The following TTN variants were observed in gnomAD, a reference collection of about 807,000 sequenced individuals.
TTN encodes the protein connectin.
TTN carries 1,525 observed loss-of-function variants against 3,223.0 expected under a neutral mutation model. The ratio of observed to expected loss-of-function variants is 0.47; its 90% CI spans 0.45 to 0.49. TTN has a LOEUF of 0.49. Ranked by LOEUF, TTN falls within the 20% of genes least tolerant of loss-of-function variation. The pLI is 0.00. For missense variants in TTN, 40,786 were observed against 43,424.0 expected (o/e 0.94, Z 5.40); for synonymous variants, 14,094 against 15,161.0 (o/e 0.93, Z 5.17).
chr2:178,623,472 A>T (rs2058595980), intron 242 of TTN, among the ~76,000 whole-genome samples: 1 of 151,880 alleles, frequency 6.6e-6, no homozygotes, highest in Admixed American at 6.6e-5. Context: ...GCTCCCTGTG[A>T]GTCCTTCCCA....
In TTN at chr2:178,572,721, C is replaced by G. The variant is rs1708675722; in HGVS notation, c.73411G>C (p.Asp24471His). ...CTTGTGGATTCGATGCTAGCTTTATCTAAAGATTCTCCATGGTCCCGGGCC... is the reference window on the plus strand; with the variant it reads ...CTTGTGGATTCGATGCTAGCTTTATGTAAAGATTCTCCATGGTCCCGGGCC... ...KWARDHGESLDKASIESTSSY... is the reference protein window; with the variant it reads ...KWARDHGESLHKASIESTSSY... Residue 24471 changes from aspartate (D) to histidine (H), a missense_variant, in exon 326 of 363, where the codon GAT becomes CAT. Coordinates refer to ENST00000589042, the MANE Select transcript of TTN (RefSeq NM_001267550.2). The G allele has an allele frequency of 6.2e-7, 1 of 1,613,452 alleles. No homozygotes were observed. The highest frequency in any genetic ancestry group is 1.3e-5 in the African/African-American group (1 of 74,990).
intron 48 of TTN, among the ~76,000 whole-genome samples, chr2:178,738,731 A>C (rs1278878916): frequency 6.6e-6 from 1 of 152,166 alleles, no homozygotes; most frequent in Non-Finnish European, 1.5e-5. Context: ...ACAACAACAA[A>C]AAATAAACAG....
chr2:178,601,874 T>A lies in TTN; in HGVS notation c.55302+8A>T, dbSNP rs1476227996. On this transcript the variant is annotated splice_region_variant and intron_variant, in intron 285 of 362. Transcript: ENST00000589042. ...TATTCTGAATTATTTTAATTATTAT[T>A]TTTTTACCTGTGCATCTTCGGGTAT... is the stretch of plus-strand genomic sequence containing the variant. 1 of 1,609,538 alleles carries A rather than the reference T, an allele frequency of 6.2e-7. No homozygotes were observed. The highest frequency in any genetic ancestry group is 1.7e-5 in the Admixed American group (1 of 59,484).
chr2:178,586,548 C>A lies in TTN; in HGVS notation c.64353G>T (p.Leu21451Phe), dbSNP rs1576014111. The A allele has an allele frequency of 6.2e-7, 1 of 1,613,232 alleles. No individual in the cohort carries two copies. Among genetic ancestry groups the A allele is most frequent in the Non-Finnish European group, 8.5e-7 (1 of 1,179,388 alleles). The stretch of plus-strand genomic sequence containing the variant: ...CATACACTCCTTCAGCTTCTCTTGG[C>A]AAACTGACTCCAACAGCATTTCTGG... Reference protein sequence around the residue: ...VAARNAVGVSLPREAEGVYEA... With the variant: ...VAARNAVGVSFPREAEGVYEA... The change falls in exon 308 of 363, where the codon TTG becomes TTT. Residue 21451 changes from leucine (L) to phenylalanine (F), a missense_variant. Physicochemically the swap from Leu to Phe is conservative, Grantham distance 22 (BLOSUM62 0). Coordinates refer to ENST00000589042, the MANE Select transcript of TTN (RefSeq NM_001267550.2).
chr2:178,667,592 G>T, intron 160 of TTN, 46 bp downstream of exon 160: 1 of 1,576,482 alleles, frequency 6.3e-7, no homozygotes, highest in Non-Finnish European at 8.6e-7. Context: ...TTTAAAAGGG[G>T]CCAAAAAATA....
intron 129 of TTN, 60 bp downstream of exon 129, chr2:178,685,193 G>A (rs2070531635): frequency 1.4e-6 from 2 of 1,385,588 alleles, no homozygotes; most frequent in African/African-American, 1.5e-5. Context: ...ATGCAAATGT[G>A]AAGGTATTAT....
rs780786278 is a variant in TTN, at chr2:178,719,537, A to T, written c.23938+17T>A. On this transcript the variant is annotated intron_variant, in intron 82 of 362. Transcript: ENST00000589042. ...CCTGGAAATATTGTATATTCATAAA[A>T]ATCTCATTCTACTCACCAGAAACAT... is the stretch of plus-strand genomic sequence containing the variant. The T allele has an allele frequency of 6.3e-7, 1 of 1,592,382 alleles. No individual in the cohort carries two copies. Among genetic ancestry groups the T allele is most frequent in the Non-Finnish European group, 8.6e-7 (1 of 1,167,768 alleles).
intron 21 of TTN, 80 bp downstream of exon 21, chr2:178,781,040 GT>G: frequency 6.3e-7 from 1 of 1,597,216 alleles, no homozygotes; most frequent in South Asian, 1.1e-5. Context: ...GTGGCAACAG[GT>G]TTTTCAGCAA....
In TTN at chr2:178,610,243, T is replaced by C; in HGVS notation, c.51283A>G (p.Ile17095Val). The C allele has an allele frequency of 6.2e-7, 1 of 1,613,042 alleles. No homozygotes were observed. Among genetic ancestry groups the C allele is most frequent in the Non-Finnish European group, 8.5e-7 (1 of 1,179,288 alleles). The change falls in exon 271 of 363, where the codon ATA becomes GTA. Residue 17095 changes from isoleucine (I) to valine (V), a missense_variant. Physicochemically the swap from Ile to Val is conservative, Grantham distance 29. Transcript: ENST00000589042. The stretch of plus-strand genomic sequence containing the variant: ...TTGTTCTCACCAGACATGACTGGTA[T>C]ATATGTTCTCCTCCCAGCTTCTCTG... ...ERREAGRRTYIPVMSGENKLS... is the reference protein window; with the variant it reads ...ERREAGRRTYVPVMSGENKLS...
Position 178,705,161 on chromosome 2 carries a change from T to C in TTN, c.29604+13A>G. On this transcript the variant is annotated intron_variant, in intron 103 of 362. Transcript: ENST00000589042. ...GACTTTTTTAGCATGATGCTATATA[T>C]GAAGGAGCATACCAGTCTATGTGTC... 1 of 1,608,920 alleles carries C rather than the reference T, an allele frequency of 6.2e-7. No homozygotes were observed. The highest frequency in any genetic ancestry group is 1.3e-5 in the African/African-American group (1 of 74,724).
At position 178,650,391 on chromosome 2, in the gene TTN, T is replaced by C. The variant is rs987299734; in HGVS notation, c.39710-120A>G. ...CCTTTGTTTCAATTGATACCTTCTC[T>C]TATTTTTGTTTAGATAAAATCTATC... On this transcript the variant is annotated intron_variant, in intron 209 of 362. Coordinates refer to ENST00000589042, the MANE Select transcript of TTN (RefSeq NM_001267550.2). 7.2e-6 allele frequency: 7 copies of C among 975,782 alleles called. No homozygotes were observed. In the African/African-American group the frequency reaches 1.0e-4, roughly 14 times the overall value. 60.4% of individuals were successfully genotyped at this position (975,782 alleles called of 1,614,324 possible).
In TTN at chr2:178,534,043, A is replaced by C; in HGVS notation, c.102572T>G (p.Val34191Gly). 1.2e-6 allele frequency: 2 copies of C among 1,613,848 alleles called. No individual in the cohort carries two copies. The highest frequency in any genetic ancestry group is 1.7e-6 in the Non-Finnish European group (2 of 1,179,828). ...AATGTCTTTGACATAGAGGATGGCCACTCCATCTTCGTAGGTGATTTCGTA... is the reference window on the plus strand; with the variant it reads ...AATGTCTTTGACATAGAGGATGGCCCCTCCATCTTCGTAGGTGATTTCGTA... ...EKYEITYEDG[V>G]AILYVKDITK... Residue 34191 changes from valine to glycine, a missense_variant, in exon 358 of 363, where the codon GTG (valine) becomes GGG (glycine). Physicochemically the swap from Val to Gly is moderately radical, Grantham distance 109. Transcript: ENST00000589042.
In TTN at chr2:178,776,642, T is replaced by C. The variant is rs376751465; in HGVS notation, c.5222A>G (p.Asp1741Gly). ...DPTMVVEWLH[D>G]GKPLEAANRL... ...GTTGGCTGCTTCAAGTGGCTTTCCATCATGGAGCCACTCCACCACCATCGT... is the reference window on the plus strand; with the variant it reads ...GTTGGCTGCTTCAAGTGGCTTTCCACCATGGAGCCACTCCACCACCATCGT... The change falls in exon 28 of 363, where the codon GAT becomes GGT. Residue 1741 changes from aspartate to glycine, a missense_variant. Coordinates refer to ENST00000589042, the MANE Select transcript of TTN (RefSeq NM_001267550.2). 6.2e-7 allele frequency: 1 copy of C among 1,613,998 alleles called. No homozygotes were observed. The highest frequency in any genetic ancestry group is 1.3e-5 in the African/African-American group (1 of 74,926).
intron 273 of TTN, 44 bp downstream of exon 273, chr2:178,609,164 A>G: frequency 6.9e-7 from 1 of 1,445,476 alleles, no homozygotes; most frequent in Non-Finnish European, 9.1e-7. Context: ...TTTATGTTTT[A>G]CTAAAACCTT....
rs187689220 is a variant in TTN at position 178,532,863 on chromosome 2, A to C, written c.103752T>G (p.Leu34584=). 6 of 1,613,956 alleles carry C rather than the reference A, an allele frequency of 3.7e-6. No homozygotes were observed. The Admixed American group carries it at 1.0e-4, about 27-fold the overall frequency. ...IRDQYEMPGK[L]DRVVQKRPKR... ...TGGGTCGTTTCTGTACAACTCTGTC[A>C]AGTTTCCCAGGCATTTCATACTGAT... Residue 34584 remains leucine (L), a synonymous_variant, in exon 358 of 363, where the codon CTT becomes CTG. Transcript: ENST00000589042.
Position 178,770,614 on chromosome 2 carries a change from G to A in TTN, c.8178C>T (p.Phe2726=), listed in dbSNP as rs148324011. The part of the protein sequence containing the change: ...LTVTETQDAV[F]TVELTHPNVK... ...CATTAGGGTGTGTAAGCTCGACAGT[G>A]AAAACAGCATCCTGTGTTTCTGTCA... is the stretch of plus-strand genomic sequence containing the variant. Residue 2726 remains phenylalanine (F), a synonymous_variant, in exon 35 of 363, where the codon TTC becomes TTT. Coordinates refer to ENST00000589042, the MANE Select transcript of TTN (RefSeq NM_001267550.2). 1.2e-6 allele frequency: 2 copies of A among 1,614,106 alleles called. No homozygotes were observed. The highest frequency in any genetic ancestry group is 1.7e-6 in the Non-Finnish European group (2 of 1,180,004).
In TTN at chr2:178,587,296, T is replaced by G; in HGVS notation, c.63915A>C (p.Lys21305Asn). The G allele has an allele frequency of 6.2e-7, 1 of 1,613,112 alleles. No homozygotes were observed. Among genetic ancestry groups the G allele is most frequent in the Non-Finnish European group, 8.5e-7 (1 of 1,179,484 alleles). ...ACCATGTCTTTCTGTCTGCCTCACG[T>G]TTCTCCACGATATAATGTGTCACTT... The part of the protein sequence containing the change: ...GSQVTHYIVE[K>N]READRKTWST... Residue 21305 changes from lysine (K) to asparagine (N), a missense_variant, in exon 307 of 363, where the codon AAA (lysine) becomes AAC (asparagine). By Grantham distance (94) the Lys-to-Asn change is moderately conservative. Coordinates refer to ENST00000589042, the MANE Select transcript of TTN (RefSeq NM_001267550.2).
chr2:178,532,706 G>C lies in TTN; in HGVS notation c.103909C>G (p.Arg34637Gly). 6.2e-7 allele frequency: 1 copy of C among 1,613,916 alleles called. No individual in the cohort carries two copies. Among genetic ancestry groups the C allele is most frequent in the Non-Finnish European group, 8.5e-7 (1 of 1,179,862 alleles). The change falls in exon 358 of 363, where the codon CGG (arginine) becomes GGG (glycine). Residue 34637 changes from arginine (R) to glycine (G), a missense_variant. Arg to Gly is a moderately radical substitution (Grantham distance 125). Coordinates refer to ENST00000589042, the MANE Select transcript of TTN (RefSeq NM_001267550.2). ...TCATAATCAGGAGAAGGTGTACGCC[G>C]GCGGGCTGGTCTCACTATCTCAAGA... The part of the protein sequence containing the change: ...DDLEIVRPAR[R>G]RTPSPDYDFY...
rs367624488 is a variant in TTN, at chr2:178,568,254, C to T, written c.77878G>A (p.Glu25960Lys). 5.0e-5 allele frequency: 80 copies of T among 1,613,374 alleles called. No homozygotes were observed. In the African/African-American group the frequency reaches 1.0e-3, roughly 21 times the overall value. The change falls in exon 326 of 363, where the codon GAA (glutamate) becomes AAA (lysine). Residue 25960 changes from glutamate to lysine, a missense_variant. Transcript: ENST00000589042. ...TCGGCAAATATTCTAAATTGGTATT[C>T]TGTACCAGTTTTCAGTTTGGTCACT... is the stretch of plus-strand genomic sequence containing the variant. ...LKVTKLKTGT[E>K]YQFRIFAENR...
Sources: gnomAD v4.1 joint callset for allele counts (sites outside exome capture counted in the v4.1 genomes callset) on GRCh38, gnomAD v4.1.1 for gene constraint, MANE v1.5 for transcripts, NCBI Gene and HGNC (gene_info 2026-07-23, HGNC 2026-07-21) for gene names.